The following PTPRD variants were observed in gnomAD, a reference collection of about 807,000 sequenced individuals.
The protein encoded by PTPRD is receptor-type tyrosine-protein phosphatase delta.
PTPRD carries 34 observed loss-of-function variants against 214.5 expected under a neutral mutation model. The observed-to-expected ratio is 0.16, with a 90% CI of 0.12 to 0.21. The LOEUF (loss-of-function observed/expected upper bound fraction) is 0.21, where lower values mean the gene tolerates loss of function less well. PTPRD is among the 10% of genes least tolerant of loss of function. The pLI, the probability that PTPRD is intolerant of heterozygous loss-of-function variation, is 1.00. For synonymous variants in PTPRD, 1,128 were observed against 845.7 expected, an observed-to-expected ratio of 1.33 and a Z score of -5.79; for missense variants, 2,545 against 2,398.7, an observed-to-expected ratio of 1.06 and a Z score of -1.27.
intron 3 of PTPRD, among the ~76,000 whole-genome samples, chr9:10,102,655 A>T (rs2154215609): frequency 6.6e-6 from 1 of 151,706 alleles, no homozygotes; most frequent in South Asian, 2.1e-4. Flanking sequence ...ATTCCCCTAG[A>T]TATTTCTCCT....
intron 9 of PTPRD, among the ~76,000 whole-genome samples, chr9:9,213,310 T>C (rs2099950005): frequency 6.6e-6 from 1 of 152,094 alleles, no homozygotes; most frequent in Non-Finnish European, 1.5e-5. Flanking sequence ...TGAGAAGACT[T>C]GTGGTTTGGG....
At chr9:8,763,211 C>G (rs993996945) in intron 11 of PTPRD, among the ~76,000 whole-genome samples, 5 of 152,116 alleles carry the variant, frequency 3.3e-5, no homozygotes, top group Non-Finnish European at 1.5e-5. Flanking sequence ...CTATAAGACT[C>G]CAGTCATAAA....
intron 5 of PTPRD, among the ~76,000 whole-genome samples, chr9:9,907,184 A>C (rs2077819978): frequency 7.6e-6 from 1 of 131,312 alleles, no homozygotes; most frequent in East Asian, 2.2e-4. Flanking sequence ...TTGCGGTGGC[A>C]AACACAGTCT....
At chr9:8,993,740 G>A (rs1433936729) in intron 11 of PTPRD, among the ~76,000 whole-genome samples, 2 of 152,054 alleles carry the variant, frequency 1.3e-5, no homozygotes, top group African/African-American at 2.4e-5. Flanking sequence ...AAGTCCTGAT[G>A]AAGGAAGAGT....
At chr9:10,046,437 C>G (rs2097397650) in intron 3 of PTPRD, among the ~76,000 whole-genome samples, 2 of 151,700 alleles carry the variant, frequency 1.3e-5, no homozygotes, top group Admixed American at 6.6e-5. Context: ...ACGTTTAAAA[C>G]CAAAACTAAT....
intron 8 of PTPRD, among the ~76,000 whole-genome samples, chr9:9,474,998 G>A (rs558527050): frequency 6.6e-6 from 1 of 152,224 alleles, no homozygotes; most frequent in South Asian, 2.1e-4. Context: ...GAGGAAAACA[G>A]ACCAGCCAAT....
At chr9:10,056,498 A>T (rs569793838) in intron 3 of PTPRD, among the ~76,000 whole-genome samples, 45 of 152,102 alleles carry the variant, frequency 3.0e-4, no homozygotes, top group South Asian at 1.5e-3. Context: ...GTATTTAATT[A>T]AAAAAACAAA....
intron 3 of PTPRD, among the ~76,000 whole-genome samples, chr9:10,089,647 C>T (rs60569): frequency 0.59 from 89,529 of 151,334 alleles, 26,750 homozygotes; most frequent in East Asian, 0.71. Context: ...AGTCATACAA[C>T]AGAATAAGGT....
chr9:9,168,285 G>T (rs1351854779), intron 10 of PTPRD, among the ~76,000 whole-genome samples: 1 of 152,136 alleles, frequency 6.6e-6, no homozygotes, highest in Non-Finnish European at 1.5e-5. Flanking sequence ...ATCCTCTACA[G>T]AATACCACTG....
intron 39 of PTPRD, among the ~76,000 whole-genome samples, chr9:8,356,026 G>A (rs1233052002): frequency 6.6e-6 from 1 of 152,134 alleles, no homozygotes; most frequent in East Asian, 1.9e-4. Flanking sequence ...TCATTCATAA[G>A]GATTTTTTGT....
At chr9:8,423,434 A>G (rs1269961551) in intron 35 of PTPRD, among the ~76,000 whole-genome samples, 2 of 152,198 alleles carry the variant, frequency 1.3e-5, no homozygotes, top group Non-Finnish European at 2.9e-5. Context: ...CTATCTTTTC[A>G]AATCATTTAG....
At chr9:10,261,094 T>TAG (rs1491040659) in intron 3 of PTPRD, among the ~76,000 whole-genome samples, 1 of 141,718 alleles carries the variant, frequency 7.1e-6, no homozygotes, top group African/African-American at 2.7e-5. Context: ...TATATATATA[T>TAG]ATAGAGAGAG....
intron 3 of PTPRD, among the ~76,000 whole-genome samples, chr9:10,332,143 T>C (rs1031619676): frequency 2.6e-5 from 4 of 151,894 alleles, no homozygotes; most frequent in African/African-American, 9.7e-5. Flanking sequence ...TGTTGCTTCT[T>C]TTCCCTTGAA....
chr9:9,720,077 A>C (rs1019741839), intron 7 of PTPRD, among the ~76,000 whole-genome samples: 2 of 152,178 alleles, frequency 1.3e-5, no homozygotes, highest in African/African-American at 4.8e-5. Flanking sequence ...GAGTGGGTGA[A>C]ACTAGCCCAG....
chr9:8,422,515 G>A lies in PTPRD; in HGVS notation c.4086+14077C>T, dbSNP rs186427689. On this transcript the variant is annotated intron_variant, in intron 35 of 45. Transcript: ENST00000381196. Reference sequence around the variant, plus strand: ...GTAAACTTGCAGAGACTTCAGCCACGTCACTTAACTGCCCTGAAAATGTCT... The same window carrying A: ...GTAAACTTGCAGAGACTTCAGCCACATCACTTAACTGCCCTGAAAATGTCT... 6.6e-4 allele frequency among the ~76,000 whole-genome samples: 101 copies of A among 152,232 alleles called. 2 individuals carry two copies. The highest frequency in any genetic ancestry group is 6.0e-3 in the Admixed American group (91 of 15,278).
intron 2 of PTPRD, among the ~76,000 whole-genome samples, chr9:10,558,910 G>T (rs1401425751): frequency 6.6e-6 from 1 of 152,100 alleles, no homozygotes; most frequent in Non-Finnish European, 1.5e-5. Flanking sequence ...CACACATCTT[G>T]TTAGGAATTA....
At chr9:8,866,565 G>A (rs2098199803) in intron 11 of PTPRD, among the ~76,000 whole-genome samples, 1 of 152,022 alleles carries the variant, frequency 6.6e-6, no homozygotes, top group Non-Finnish European at 1.5e-5. Context: ...TTATAACTAA[G>A]TGCAAATGTT....
chr9:9,948,470 G>A (rs1250307779), intron 4 of PTPRD, among the ~76,000 whole-genome samples: 1 of 152,012 alleles, frequency 6.6e-6, no homozygotes, highest in East Asian at 1.9e-4. Flanking sequence ...TAAATGGCAG[G>A]TGATGAACAT....
intron 9 of PTPRD, among the ~76,000 whole-genome samples, chr9:9,374,560 G>A (rs1423899400): frequency 6.6e-6 from 1 of 152,080 alleles, no homozygotes; most frequent in African/African-American, 2.4e-5. Flanking sequence ...TAAAGTAAAG[G>A]GAAATAATGA....
Sources: gnomAD v4.1 joint callset for allele counts (sites outside exome capture counted in the v4.1 genomes callset) on GRCh38, gnomAD v4.1.1 for gene constraint, MANE v1.5 for transcripts, NCBI Gene and HGNC (gene_info 2026-07-23, HGNC 2026-07-21) for gene names.